Variants in SH3BGR observed in about 807,000 individuals in gnomAD.
SH3BGR encodes the protein SH3 domain-binding glutamic acid-rich protein.
Under a neutral mutation model 24.5 loss-of-function variants are expected in SH3BGR, and 29 were observed. The ratio of observed to expected loss-of-function variants is 1.18; its 90% CI spans 0.88 to 1.61. The LOEUF is 1.61. Among genes scored for constraint, SH3BGR ranks in the 40% most tolerant of loss-of-function variants. The pLI is 0.00. For missense variants in SH3BGR, 162 were observed against 205.8 expected, an observed-to-expected ratio of 0.79 and a Z score of 1.30; for synonymous variants, 55 against 65.7, an observed-to-expected ratio of 0.84 and a Z score of 0.79.
At chr21:39,467,309 T>G (rs2077860868) in intron 2 of SH3BGR, among the ~76,000 whole-genome samples, 1 of 152,162 alleles carries the variant, frequency 6.6e-6, no homozygotes, top group African/African-American at 2.4e-5. Context: ...TTCCAAATAA[T>G]GACTGCTATT....
intron 3 of SH3BGR, among the ~76,000 whole-genome samples, chr21:39,490,344 A>G (rs2078278590): frequency 6.6e-6 from 1 of 152,248 alleles, no homozygotes; most frequent in South Asian, 2.1e-4. Context: ...CAGTTGTTCT[A>G]ATAAATTTGA....
At position 39,493,298 on chromosome 21, in the gene SH3BGR, G is replaced by C. The variant is rs549453731; in HGVS notation, c.313-6525G>C. ...CCATCTTGAGTTGATATTTGTATAA[G>C]GTGAGAGATGAGGATCCAGTCATTC... On this transcript the variant is annotated intron_variant, in intron 3 of 6. Coordinates refer to ENST00000333634, the MANE Select transcript of SH3BGR (RefSeq NM_007341.3). Among the ~76,000 whole-genome samples, 3 of 152,284 alleles carry C rather than the reference G, an allele frequency of 2.0e-5. No homozygotes were observed. In the South Asian group the frequency reaches 6.2e-4, roughly 32 times the overall value.
intron 6 of SH3BGR, among the ~76,000 whole-genome samples, chr21:39,512,943 C>T (rs2078722408): frequency 6.6e-6 from 1 of 152,040 alleles, no homozygotes; most frequent in Non-Finnish European, 1.5e-5. Context: ...AATTTGAGGC[C>T]ATAGTTTATT....
At chr21:39,491,288 T>A (rs963314900) in intron 3 of SH3BGR, among the ~76,000 whole-genome samples, 17 of 152,036 alleles carry the variant, frequency 1.1e-4, no homozygotes, top group African/African-American at 4.1e-4. Context: ...TAGCTGGGAC[T>A]ACAGGCGGGT....
At position 39,475,164 on chromosome 21, in the gene SH3BGR, A is replaced by C; in HGVS notation, c.261A>C (p.Glu87Asp). 1.2e-6 allele frequency: 2 copies of C among 1,612,218 alleles called. No individual in the cohort carries two copies. The highest frequency in any genetic ancestry group is 2.2e-5 in the East Asian group (1 of 44,834). ...TTGACTCTTTCTTCTCTGCAAAAGA[A>C]GAGAATATTATTTATTCCTTCCTTG... ...GDFDSFFSAKEENIIYSFLGL... is the reference protein window; with the variant it reads ...GDFDSFFSAKDENIIYSFLGL... The change falls in exon 3 of 7, where the codon GAA becomes GAC. Residue 87 changes from glutamate to aspartate, a missense_variant. By Grantham distance (45) the Glu-to-Asp change is conservative. Coordinates refer to ENST00000333634, the MANE Select transcript of SH3BGR (RefSeq NM_007341.3).
chr21:39,513,313 A>T (rs2078729194), intron 6 of SH3BGR, among the ~76,000 whole-genome samples: 1 of 152,192 alleles, frequency 6.6e-6, no homozygotes, highest in African/African-American at 2.4e-5. Context: ...AGAAGGGTTT[A>T]TTTGGAGAAG....
Position 39,511,535 on chromosome 21 carries a change from T to A in SH3BGR, c.436-145T>A, listed in dbSNP as rs2078695735. On this transcript the variant is annotated intron_variant, in intron 5 of 6. Coordinates refer to ENST00000333634, the MANE Select transcript of SH3BGR (RefSeq NM_007341.3). This position sits in a 1 kb window ranked among gnomAD's most constrained non-coding sequence, Gnocchi z 4.2. Reference sequence around the variant, plus strand: ...TTGTGTGGCATGTGTGGTGTGTGTATTTGTGTGTTGTGTGTGTTTGTTTGT... The same window carrying A: ...TTGTGTGGCATGTGTGGTGTGTGTAATTGTGTGTTGTGTGTGTTTGTTTGT... 4.5e-6 allele frequency: 3 copies of A among 661,314 alleles called. No individual in the cohort carries two copies. Among genetic ancestry groups the A allele is most frequent in the Admixed American group, 2.9e-5 (1 of 34,258 alleles). 41.0% of individuals were successfully genotyped at this position (661,314 alleles called of 1,614,324 possible).
At chr21:39,448,880 C>T (rs2077541479), upstream of SH3BGR, among the ~76,000 whole-genome samples, 1 of 152,062 alleles carries the variant, frequency 6.6e-6, no homozygotes, top group African/African-American at 2.4e-5. Flanking sequence ...ACATTCCCTC[C>T]CTCAGTATGC....
At chr21:39,462,088 A>G (rs1686411130) in intron 1 of SH3BGR, among the ~76,000 whole-genome samples, 1 of 152,146 alleles carries the variant, frequency 6.6e-6, no homozygotes, top group South Asian at 2.1e-4. Flanking sequence ...ACCTCAAGCG[A>G]TCCACCTGCC....
At chr21:39,450,682 C>G (rs546465827), upstream of SH3BGR, among the ~76,000 whole-genome samples, 2 of 152,318 alleles carry the variant, frequency 1.3e-5, no homozygotes, top group East Asian at 3.9e-4. Flanking sequence ...AAAACTAGCC[C>G]TTTGTCCCTA....
intron 5 of SH3BGR, among the ~76,000 whole-genome samples, chr21:39,510,420 CACTG>C (rs959571605): frequency 1.8e-5 from 2 of 113,626 alleles, no homozygotes; most frequent in Non-Finnish European, 4.0e-5. Flanking sequence ...CACACACACA[CACTG>C]TAGCTACACA....
At chr21:39,466,626 A>G (rs1212065973) in intron 2 of SH3BGR, among the ~76,000 whole-genome samples, 1 of 152,008 alleles carries the variant, frequency 6.6e-6, no homozygotes, top group Non-Finnish European at 1.5e-5. Flanking sequence ...CCTTCTTCAC[A>G]TGACCACAGC....
intron 4 of SH3BGR, among the ~76,000 whole-genome samples, chr21:39,506,488 G>A (rs912156992): frequency 6.6e-6 from 1 of 152,194 alleles, no homozygotes; most frequent in African/African-American, 2.4e-5. Context: ...AATTTATAAA[G>A]GAAAGAGGTT....
At chr21:39,494,194 C>G (rs888795098) in intron 3 of SH3BGR, among the ~76,000 whole-genome samples, 2 of 151,608 alleles carry the variant, frequency 1.3e-5, no homozygotes, top group African/African-American at 4.8e-5. Flanking sequence ...ATACCATTAA[C>G]TCTACTATGT....
chr21:39,484,334 T>A (rs1285395238), intron 3 of SH3BGR, among the ~76,000 whole-genome samples: 2 of 152,192 alleles, frequency 1.3e-5, no homozygotes, highest in Non-Finnish European at 2.9e-5. Context: ...AATAATTAAC[T>A]GGGGTACCAA....
chr21:39,464,298 C>CG (rs1366986901), intron 2 of SH3BGR, among the ~76,000 whole-genome samples: 1 of 152,160 alleles, frequency 6.6e-6, no homozygotes, highest in African/African-American at 2.4e-5. Context: ...TATCAGCTCA[C>CG]TGCAACCTCT....
chr21:39,460,309 T>A (rs1490542876), intron 1 of SH3BGR, among the ~76,000 whole-genome samples: 2 of 152,204 alleles, frequency 1.3e-5, no homozygotes, highest in African/African-American at 4.8e-5. Context: ...AGTCTCTGTG[T>A]GAGCTTTTTA....
chr21:39,514,949 G>A, intron 6 of SH3BGR, 139 bp from the exon 7 acceptor site: 1 of 292,620 alleles, frequency 3.4e-6, no homozygotes, highest in Non-Finnish European at 6.9e-6. Context: ...TTTCCTTTCA[G>A]TGGGGAGCAA....
rs543605673 is a variant in SH3BGR, at chr21:39,488,983, A to G, written c.313-10840A>G. Among the ~76,000 whole-genome samples the G allele has an allele frequency of 6.6e-5, 10 of 152,338 alleles. No homozygotes were observed. In the South Asian group the frequency reaches 8.3e-4, roughly 13 times the overall value. ...CAACCCAAAACCCTCAAACAAACAA[A>G]CAAAAACTACAAGATGAGCAACAGA... is the stretch of plus-strand genomic sequence containing the variant. On this transcript the variant is annotated intron_variant, in intron 3 of 6. Coordinates refer to ENST00000333634, the MANE Select transcript of SH3BGR (RefSeq NM_007341.3).
Sources: gnomAD v4.1 joint callset for allele counts (sites outside exome capture counted in the v4.1 genomes callset) on GRCh38, gnomAD v4.1.1 for gene constraint, Gnocchi (gnomAD v3.1) non-coding constraint, MANE v1.5 for transcripts, NCBI Gene and HGNC (gene_info 2026-07-23, HGNC 2026-07-21) for gene names.